PATJ: variants seen among roughly 807,000 people sequenced by gnomAD.
PATJ encodes PATJ crumbs cell polarity complex component.
PATJ carries 190 observed loss-of-function variants against 224.9 expected under a neutral mutation model. The ratio of observed to expected loss-of-function variants is 0.84; its 90% confidence interval spans 0.75 to 0.95. PATJ has a LOEUF of 0.95. Ranked by LOEUF, PATJ falls within the 40% of genes least tolerant of loss-of-function variation. The pLI is 0.00. For synonymous variants in PATJ, 769 were observed against 820.3 expected, an observed-to-expected ratio of 0.94 and a Z score of 1.07; for missense variants, 2,121 against 2,270.3, an observed-to-expected ratio of 0.93 and a Z score of 1.34.
chr1:61,939,344 C>CACACAG (rs1414528096), intron 27 of PATJ, among the ~76,000 whole-genome samples: 2 of 107,470 alleles, frequency 1.9e-5, no homozygotes, highest in Non-Finnish European at 3.6e-5. Flanking sequence ...CACACACACA[C>CACACAG]AGTCAGAAGA....
At chr1:62,012,117 T>G (rs1485279214) in intron 28 of PATJ, among the ~76,000 whole-genome samples, 1 of 152,200 alleles carries the variant, frequency 6.6e-6, no homozygotes, top group Non-Finnish European at 1.5e-5. Context: ...GGTTTTTGGT[T>G]GATACTGACT....
intron 43 of PATJ, among the ~76,000 whole-genome samples, chr1:62,157,461 TGA>T (rs199922766): frequency 0.037 from 5,571 of 149,166 alleles, 519 homozygotes; most frequent in Non-Finnish European, 0.051. Context: ...GTATAGAAGT[TGA>T]GAGACTTAGT....
rs992066062 is a variant in PATJ at position 62,128,919 on chromosome 1, A to G, written c.5245A>G (p.Asn1749Asp). ...CGCGGATGTGGTTAATCTGCTGAAGAACGCCTACGGGCGCATTATCCTGCA... is the reference window on the plus strand; with the variant it reads ...CGCGGATGTGGTTAATCTGCTGAAGGACGCCTACGGGCGCATTATCCTGCA... ...SHADVVNLLK[N>D]AYGRIILQVV... Residue 1749 changes from asparagine (N) to aspartate (D), a missense_variant, in exon 41 of 44, where the codon AAC (asparagine) becomes GAC (aspartate). Transcript: ENST00000642238. 9.9e-6 allele frequency: 16 copies of G among 1,612,864 alleles called. No homozygotes were observed. Among genetic ancestry groups the G allele is most frequent in the Non-Finnish European group, 1.3e-5 (15 of 1,179,028 alleles).
intron 37 of PATJ, among the ~76,000 whole-genome samples, chr1:62,120,228 A>G (rs1664889314): frequency 6.6e-6 from 1 of 152,208 alleles, no homozygotes; most frequent in Non-Finnish European, 1.5e-5. Context: ...ATATAGCAAA[A>G]TACTCATTGT....
chr1:61,804,425 G>C (rs916219960), intron 12 of PATJ, among the ~76,000 whole-genome samples: 2 of 152,010 alleles, frequency 1.3e-5, no homozygotes, highest in African/African-American at 4.8e-5. Context: ...TTAATGATTT[G>C]TATTATGTGA....
intron 25 of PATJ, among the ~76,000 whole-genome samples, chr1:61,910,512 C>T (rs1672463640): frequency 1.1e-5 from 1 of 93,562 alleles, no homozygotes; most frequent in Admixed American, 1.1e-4. Flanking sequence ...CCATTTTCAA[C>T]TTTGTTTATA....
At chr1:61,902,417 G>C (rs1671310461) in intron 24 of PATJ, among the ~76,000 whole-genome samples, 1 of 151,960 alleles carries the variant, frequency 6.6e-6, no homozygotes, top group African/African-American at 2.4e-5. Flanking sequence ...AATACAAAGA[G>C]CCCTGGATGT....
At chr1:61,874,173 T>C (rs1170144643) in intron 20 of PATJ, among the ~76,000 whole-genome samples, 1 of 18,006 alleles carries the variant, frequency 5.6e-5, no homozygotes, top group Non-Finnish European at 1.9e-4. Flanking sequence ...TTGGGCCTAT[T>C]TTATTTATTT....
chr1:62,050,064 G>A (rs11799564), intron 30 of PATJ, among the ~76,000 whole-genome samples: 15,906 of 149,972 alleles, frequency 0.11, 923 homozygotes, highest in Non-Finnish European at 0.12. Flanking sequence ...TGCAGTGAGC[G>A]GAGGTCGTGC....
intron 29 of PATJ, among the ~76,000 whole-genome samples, chr1:62,025,313 A>G (rs1203311048): frequency 6.6e-6 from 1 of 152,190 alleles, no homozygotes; most frequent in Non-Finnish European, 1.5e-5. Context: ...ACCATTGCCA[A>G]ACCGTTGCTG....
chr1:62,017,738 AAAAAAAAAAG>A (rs1371741977), intron 28 of PATJ, 108 bp from the exon 29 acceptor site: 21 of 567,356 alleles, frequency 3.7e-5, no homozygotes, highest in Admixed American at 1.2e-4. Flanking sequence ...TCAAAAAAAA[AAAAAAAAAAG>A]AAAAGAAAAG....
At chr1:62,124,452 T>G (rs1161072079) in intron 39 of PATJ, among the ~76,000 whole-genome samples, 3 of 152,196 alleles carry the variant, frequency 2.0e-5, no homozygotes, top group African/African-American at 7.2e-5. Flanking sequence ...GACCCTGTTG[T>G]AATCATGGTA....
At chr1:62,145,073 C>T (rs1244765108) in intron 41 of PATJ, among the ~76,000 whole-genome samples, 1 of 152,030 alleles carries the variant, frequency 6.6e-6, no homozygotes, top group East Asian at 1.9e-4. Context: ...CCTCGGCTTC[C>T]AAAAGTGCTA....
chr1:61,831,737 T>C (rs1014287404), intron 16 of PATJ, among the ~76,000 whole-genome samples: 3 of 152,162 alleles, frequency 2.0e-5, no homozygotes, highest in Non-Finnish European at 4.4e-5. Context: ...GGTGGGAGTG[T>C]AAATTAGTTC....
chr1:62,067,123 C>CTTTTTTTTTTTTTTTTTTTTTT (rs11381578), intron 31 of PATJ, among the ~76,000 whole-genome samples: 9 of 116,474 alleles, frequency 7.7e-5, no homozygotes, highest in African/African-American at 9.6e-5. Context: ...CCTATTCTTT[C>CTTTTTTTTTTTTTTTTTTTTTT]TTTTTTTTTT....
intron 27 of PATJ, among the ~76,000 whole-genome samples, chr1:61,944,376 C>T (rs1291531083): frequency 6.6e-6 from 1 of 152,050 alleles, no homozygotes; most frequent in African/African-American, 2.4e-5. Flanking sequence ...TAGAGAAGTC[C>T]TTAAATGACC....
At chr1:61,903,574 T>A (rs1416244920) in intron 24 of PATJ, among the ~76,000 whole-genome samples, 5 of 152,174 alleles carry the variant, frequency 3.3e-5, no homozygotes, top group Non-Finnish European at 7.4e-5. Flanking sequence ...TGTCCCCCAC[T>A]GTGATTATGG....
At chr1:61,990,936 A>G (rs1423993343) in intron 28 of PATJ, among the ~76,000 whole-genome samples, 1 of 152,352 alleles carries the variant, frequency 6.6e-6, no homozygotes, top group African/African-American at 2.4e-5. Context: ...AATTTCATTA[A>G]TAATCTGAAA....
chr1:61,872,763 A>G (rs1666816876), intron 20 of PATJ, among the ~76,000 whole-genome samples: 1 of 152,178 alleles, frequency 6.6e-6, no homozygotes, highest in African/African-American at 2.4e-5. Flanking sequence ...AGGCCCACTC[A>G]GTCCTCTCTT....
Sources: allele counts gnomAD v4.1 joint callset (sites outside exome capture counted in the v4.1 genomes callset), GRCh38; gene constraint gnomAD v4.1.1; transcripts MANE v1.5; gene names NCBI Gene and HGNC (gene_info 2026-07-23, HGNC 2026-07-21).